The following SPECC1 variants were observed in gnomAD, a reference collection of about 807,000 sequenced individuals.
SPECC1 encodes the protein cytospin-B.
In SPECC1, 62 loss-of-function variants were observed where a neutral mutation model predicts 104.1. That is an observed-to-expected ratio of 0.60 (90% CI 0.49 to 0.74). The LOEUF (loss-of-function observed/expected upper bound fraction) is 0.74, where lower values mean the gene tolerates loss of function less well. SPECC1 is among the 30% of genes least tolerant of loss of function. The pLI is 0.00. For missense variants in SPECC1, 1,306 were observed against 1,310.5 expected (o/e 1.00, Z 0.05); for synonymous variants, 513 against 501.6 (o/e 1.02, Z -0.30).
intron 7 of SPECC1, among the ~76,000 whole-genome samples, chr17:20,236,075 G>T (rs758219094): frequency 6.6e-6 from 1 of 152,146 alleles, no homozygotes; most frequent in Non-Finnish European, 1.5e-5. Context: ...GGCGGAAGTT[G>T]GAGGTATAGA....
chr17:20,313,571 G>A (rs1268447218), intron 14 of SPECC1, among the ~76,000 whole-genome samples: 7 of 152,198 alleles, frequency 4.6e-5, no homozygotes, highest in East Asian at 1.9e-4. Context: ...CTCAGCCCAC[G>A]TAATGGCACA....
At chr17:20,286,618 C>T (rs907234116) in intron 12 of SPECC1, among the ~76,000 whole-genome samples, 3 of 152,164 alleles carry the variant, frequency 2.0e-5, no homozygotes, top group African/African-American at 7.2e-5. Flanking sequence ...CCTGGGGTGC[C>T]TAGGACTTGC....
At chr17:20,043,105 T>C (rs2045398899) in intron 1 of SPECC1, among the ~76,000 whole-genome samples, 1 of 152,198 alleles carries the variant, frequency 6.6e-6, no homozygotes, top group African/African-American at 2.4e-5. Flanking sequence ...GCAAGTTGTC[T>C]GGTGGAGCGT....
chr17:20,122,565 C>G (rs1413002308), intron 3 of SPECC1, among the ~76,000 whole-genome samples: 1 of 152,194 alleles, frequency 6.6e-6, no homozygotes, highest in Non-Finnish European at 1.5e-5. Context: ...GTACAACCAT[C>G]ACCACCTTCC....
At chr17:20,288,771 CTTTTTTTTT>C (rs60578647) in intron 12 of SPECC1, among the ~76,000 whole-genome samples, 7 of 73,710 alleles carry the variant, frequency 9.5e-5, no homozygotes, top group Admixed American at 3.5e-4. Context: ...AAGGGCACTT[CTTTTTTTTT>C]TTTTTTTTTT....
chr17:20,285,027 G>A (rs35412926), intron 12 of SPECC1, among the ~76,000 whole-genome samples: 3,112 of 152,256 alleles, frequency 0.02, 68 homozygotes, highest in Admixed American at 0.063. Context: ...ATGCAGCCAC[G>A]GAATCCAGCT....
intron 2 of SPECC1, among the ~76,000 whole-genome samples, chr17:20,100,786 G>A (rs2047910058): frequency 6.6e-6 from 1 of 152,096 alleles, no homozygotes; most frequent in African/African-American, 2.4e-5. Flanking sequence ...GCATGCATTA[G>A]GTATTTGTCC....
chr17:20,074,128 T>C (rs903754270), intron 1 of SPECC1, among the ~76,000 whole-genome samples: 8 of 152,108 alleles, frequency 5.3e-5, no homozygotes, highest in Non-Finnish European at 1.2e-4. Flanking sequence ...ATGTCTAAGG[T>C]CCTGTGGAGA....
chr17:20,086,079 C>T (rs191563688), intron 1 of SPECC1, among the ~76,000 whole-genome samples: 2 of 152,198 alleles, frequency 1.3e-5, no homozygotes, highest in South Asian at 4.1e-4. Flanking sequence ...TCTGGGATGG[C>T]TGCTGCCATC....
chr17:20,122,407 G>A (rs1224752328), intron 3 of SPECC1, among the ~76,000 whole-genome samples: 3 of 152,204 alleles, frequency 2.0e-5, no homozygotes, highest in Non-Finnish European at 2.9e-5. Flanking sequence ...TGGCAGCCAT[G>A]GCACCGGGGA....
intron 3 of SPECC1, among the ~76,000 whole-genome samples, chr17:20,157,202 A>G (rs2032663369): frequency 6.6e-6 from 1 of 152,096 alleles, no homozygotes; most frequent in Non-Finnish European, 1.5e-5. Flanking sequence ...TTCATCTCCC[A>G]GCGCCCCAGC....
chr17:20,129,109 A>G (rs1428649224), intron 3 of SPECC1, among the ~76,000 whole-genome samples: 4 of 151,986 alleles, frequency 2.6e-5, no homozygotes, highest in Non-Finnish European at 4.4e-5. Context: ...TCCTGGGCTG[A>G]AGCCATCCTT....
intron 4 of SPECC1, among the ~76,000 whole-genome samples, chr17:20,211,828 C>G (rs2037170832): frequency 6.6e-6 from 1 of 152,204 alleles, no homozygotes; most frequent in African/African-American, 2.4e-5. Context: ...CCTGCCTGAC[C>G]CTGCTTCCCT....
chr17:20,209,864 G>A (rs1458434915), intron 4 of SPECC1, among the ~76,000 whole-genome samples: 1 of 152,044 alleles, frequency 6.6e-6, no homozygotes, highest in African/African-American at 2.4e-5. Flanking sequence ...ATCTTTTCTG[G>A]GCTTGAAACC....
intron 1 of SPECC1, among the ~76,000 whole-genome samples, chr17:20,078,585 A>G (rs1040300919): frequency 6.6e-6 from 1 of 152,198 alleles, no homozygotes; most frequent in African/African-American, 2.4e-5. Context: ...ACCAATGGGA[A>G]CAAAAATTAG....
chr17:20,042,298 C>T lies in SPECC1; in HGVS notation c.-22+32874C>T, dbSNP rs560931977. Among the ~76,000 whole-genome samples the T allele has an allele frequency of 2.0e-5, 3 of 151,358 alleles. No homozygotes were observed. In the East Asian group the frequency reaches 5.8e-4, roughly 29 times the overall value. On this transcript the variant is annotated intron_variant, in intron 1 of 14. Transcript: ENST00000395527. ...CCTACTTGGCCTCCCTGATACCTCC[C>T]TGGCTAGGAGGGGTAGGAGTGCCTA... is the stretch of plus-strand genomic sequence containing the variant.
chr17:20,194,645 T>G (rs561886116), intron 3 of SPECC1, among the ~76,000 whole-genome samples: 2 of 151,538 alleles, frequency 1.3e-5, no homozygotes, highest in East Asian at 3.9e-4. Flanking sequence ...TAGCTGGGAC[T>G]ACAGGTGGCG....
intron 1 of SPECC1, among the ~76,000 whole-genome samples, chr17:20,047,508 G>C (rs140610626): frequency 1.3e-5 from 2 of 152,120 alleles, no homozygotes; most frequent in East Asian, 1.9e-4. Context: ...AAGTTTTCCG[G>C]TGTTATATCT....
At position 20,204,696 on chromosome 17, in the gene SPECC1, C is replaced by G; in HGVS notation, c.647C>G (p.Ser216Ter). ...DALGPNVDGT[S>*]VSPGDTEPMI... ...TTGGGCCCAAATGTCGATGGAACATCAGTCTCCCCAGGTGACACGGAACCT... is the reference window on the plus strand; with the variant it reads ...TTGGGCCCAAATGTCGATGGAACATGAGTCTCCCCAGGTGACACGGAACCT... The change falls in exon 4 of 15, where the codon TCA becomes TGA. Residue 216 changes from serine (S) to a stop codon, truncating the protein, a stop_gained. Transcript: ENST00000395527. LOFTEE classifies it high-confidence loss of function. The G allele has an allele frequency of 6.2e-7, 1 of 1,613,886 alleles. No homozygotes were observed. The highest frequency in any genetic ancestry group is 8.5e-7 in the Non-Finnish European group (1 of 1,179,950).
Sources: gnomAD v4.1 joint callset for allele counts (sites outside exome capture counted in the v4.1 genomes callset) on GRCh38, gnomAD v4.1.1 for gene constraint, MANE v1.5 for transcripts, NCBI Gene and HGNC (gene_info 2026-07-23, HGNC 2026-07-21) for gene names.